The following PPIC variants were observed in gnomAD, a reference collection of about 807,000 sequenced individuals.
The protein encoded by PPIC is peptidylprolyl isomerase C.
A neutral mutation model predicts 19.5 loss-of-function variants in PPIC; 19 were observed. The observed-to-expected ratio is 0.98, with a 90% CI of 0.68 to 1.43. The LOEUF is 1.43. Among genes scored for constraint, PPIC ranks in the 40% most tolerant of loss-of-function variants. The pLI is 0.00. For synonymous variants in PPIC, 107 were observed against 101.2 expected, an observed-to-expected ratio of 1.06 and a Z score of -0.34; for missense variants, 268 against 268.6, an observed-to-expected ratio of 1.00 and a Z score of 0.02.
At chr5:123,028,736 G>A (rs1365366544) in intron 3 of PPIC, 39 bp downstream of exon 3, 7 of 1,519,704 alleles carry the variant, frequency 4.6e-6, no homozygotes, top group South Asian at 1.1e-5. Context: ...CTTAGATTTC[G>A]GTTTGGTAAA....
At chr5:123,032,659 G>A (rs1408548998) in intron 1 of PPIC, among the ~76,000 whole-genome samples, 6 of 152,122 alleles carry the variant, frequency 3.9e-5, no homozygotes, top group Non-Finnish European at 7.4e-5. Context: ...GGCCAGGGGT[G>A]GGGTGGGGCT....
At chr5:123,026,541 G>A (rs1316155983) in intron 3 of PPIC, among the ~76,000 whole-genome samples, 9 of 152,208 alleles carry the variant, frequency 5.9e-5, no homozygotes, top group Non-Finnish European at 1.3e-4. Flanking sequence ...AAATAGCAGA[G>A]CAGAATTTGA....
At chr5:123,026,017 C>T in intron 3 of PPIC, 49 bp from the exon 4 acceptor site, 1 of 1,501,812 alleles carries the variant, frequency 6.7e-7, no homozygotes, top group African/African-American at 1.4e-5. Context: ...CAAAAGTCAG[C>T]TCTTCAAAGG....
rs1170994494 is a variant in PPIC at position 123,029,200 on chromosome 5, GT to G, written c.231+104del. On this transcript the variant is annotated intron_variant, in intron 2 of 4. Coordinates refer to ENST00000306442, the MANE Select transcript of PPIC (RefSeq NM_000943.5). ...GGAAAATAAAGTCAAATGTGGTAAG[GT>G]TCATCTGACATACTAATTTAATACT... 10 of 1,582,752 alleles carry G rather than the reference GT, an allele frequency of 6.3e-6. No homozygotes were observed. In the Admixed American group the frequency reaches 1.8e-4, roughly 28 times the overall value.
At chr5:123,033,056 T>A (rs11241668) in intron 1 of PPIC, among the ~76,000 whole-genome samples, 27,483 of 152,144 alleles carry the variant, frequency 0.18, 2,947 homozygotes, top group East Asian at 0.48. Flanking sequence ...TGAGCTGCGA[T>A]GTGGAAGAAA....
At chr5:123,025,699 G>T in intron 4 of PPIC, 85 bp downstream of exon 4, 2 of 1,362,948 alleles carry the variant, frequency 1.5e-6, no homozygotes, top group Non-Finnish European at 2.0e-6. Flanking sequence ...TCTCTAACAA[G>T]CATATTTTAA....
intron 3 of PPIC, chr5:123,028,561 C>A: frequency 2.2e-6 from 1 of 447,232 alleles, no homozygotes; most frequent in Non-Finnish European, 4.0e-6. Context: ...AGACAATAAA[C>A]ACCAAAACAA....
chr5:123,029,448 G>T lies in PPIC; in HGVS notation c.118-30C>A, dbSNP rs538470352. On this transcript the variant is annotated intron_variant, in intron 1 of 4. Transcript: ENST00000306442. ...GTGCAGTTGAAAGGCAAAGTGGAAG[G>T]TTATAAGGTGGAAAAGCACAAATAC... 4.6e-6 allele frequency: 7 copies of T among 1,531,426 alleles called. No homozygotes were observed. In the African/African-American group the frequency reaches 9.7e-5, roughly 21 times the overall value. The allele number at this position is 1,531,426 out of a possible 1,614,324, so 94.9% of individuals were successfully genotyped here.
At chr5:123,024,071 C>T (rs1368091283) in intron 4 of PPIC, 68 bp from the exon 5 acceptor site, 6 of 1,526,960 alleles carry the variant, frequency 3.9e-6, no homozygotes, top group South Asian at 1.3e-5. Flanking sequence ...AAGGTTAAAC[C>T]AAAGCCAACT....
At chr5:123,026,942 C>A (rs1434547831) in intron 3 of PPIC, among the ~76,000 whole-genome samples, 1 of 152,174 alleles carries the variant, frequency 6.6e-6, no homozygotes, top group Non-Finnish European at 1.5e-5. Context: ...CACCTGTAAT[C>A]CCAGCACTTT....
chr5:123,023,338 ATTTC>A lies in PPIC; in HGVS notation c.*533_*536del, dbSNP rs1247720959. On this transcript the variant is annotated 3_prime_UTR_variant, in exon 5 of 5. Transcript: ENST00000306442. Reference sequence around the variant, plus strand: ...TGCTAGAGTGTGTGTATTTTTGTATATTTCTTAAAGAACTTTACATTTTTAAAAA... The same window carrying A: ...TGCTAGAGTGTGTGTATTTTTGTATATTAAAGAACTTTACATTTTTAAAAA... The A allele has an allele frequency of 1.3e-5, 2 of 152,228 alleles. No homozygotes were observed. The highest frequency in any genetic ancestry group is 2.9e-5 in the Non-Finnish European group (2 of 68,048). 9.4% of individuals were successfully genotyped at this position (152,228 alleles called of 1,614,324 possible).
At chr5:123,030,573 A>G (rs972374638) in intron 1 of PPIC, among the ~76,000 whole-genome samples, 2 of 152,240 alleles carry the variant, frequency 1.3e-5, no homozygotes, top group Non-Finnish European at 2.9e-5. Flanking sequence ...TCACAGGGTG[A>G]TGTGATATTT....
In PPIC at chr5:123,023,805, A is replaced by C; in HGVS notation, c.*70T>G. ...AAAAAGCAAATAATTGAAAGACAAC[A>C]CAACACACACACACACACACACACA... On this transcript the variant is annotated 3_prime_UTR_variant, in exon 5 of 5. Transcript: ENST00000306442. 1 of 1,236,708 alleles carries C rather than the reference A, an allele frequency of 8.1e-7. No homozygotes were observed. Among genetic ancestry groups the C allele is most frequent in the African/African-American group, 2.2e-5 (1 of 45,860 alleles). The allele number at this position is 1,236,708 out of a possible 1,614,324, so 76.6% of individuals were successfully genotyped here.
At chr5:123,032,715 T>C (rs1353990278) in intron 1 of PPIC, among the ~76,000 whole-genome samples, 1 of 152,148 alleles carries the variant, frequency 6.6e-6, no homozygotes, top group African/African-American at 2.4e-5. Context: ...AGAAAACACA[T>C]ATATGAATGC....
chr5:123,036,422 C>T lies in PPIC; in HGVS notation c.117+87G>A, dbSNP rs1763013974. On this transcript the variant is annotated intron_variant, in intron 1 of 4. Transcript: ENST00000306442. The surrounding 1 kb of genome is among the most constrained non-coding windows in gnomAD (Gnocchi z 4.5). Reference sequence around the variant, plus strand: ...GCGCCCGGGAAGCCTCCACCTCGCCCGCCCTGACACCGAGGTCCCAGTATC... The same window carrying T: ...GCGCCCGGGAAGCCTCCACCTCGCCTGCCCTGACACCGAGGTCCCAGTATC... 9 of 1,260,492 alleles carry T rather than the reference C, an allele frequency of 7.1e-6. No homozygotes were observed. Among genetic ancestry groups the T allele is most frequent in the Middle Eastern group, 5.2e-4 (2 of 3,882 alleles). 78.1% of individuals were successfully genotyped at this position (1,260,492 alleles called of 1,614,324 possible). A position where few individuals can be genotyped will look rare whatever the true frequency, so the allele number is the denominator to read the frequency against.
At chr5:123,035,325 G>A (rs753323248) in intron 1 of PPIC, among the ~76,000 whole-genome samples, 8 of 152,086 alleles carry the variant, frequency 5.3e-5, no homozygotes, top group South Asian at 2.1e-4. Flanking sequence ...TTTATCCCAA[G>A]AGACCCCGTT....
chr5:123,023,800 A>T lies in PPIC; in HGVS notation c.*75T>A. ...AAAAAAAAAAGCAAATAATTGAAAG[A>T]CAACACAACACACACACACACACAC... is the stretch of plus-strand genomic sequence containing the variant. On this transcript the variant is annotated 3_prime_UTR_variant, in exon 5 of 5. Transcript: ENST00000306442. The T allele has an allele frequency of 1.4e-6, 2 of 1,403,858 alleles. No homozygotes were observed. The highest frequency in any genetic ancestry group is 1.9e-6 in the Non-Finnish European group (2 of 1,077,796). 87.0% of individuals were successfully genotyped at this position (1,403,858 alleles called of 1,614,324 possible).
chr5:123,035,990 C>G (rs1047275996), intron 1 of PPIC, among the ~76,000 whole-genome samples: 9 of 152,130 alleles, frequency 5.9e-5, no homozygotes, highest in African/African-American at 2.2e-4. Context: ...GGAGGGTAGT[C>G]TCTCATCTGA....
At chr5:123,031,515 C>T (rs1239505394) in intron 1 of PPIC, among the ~76,000 whole-genome samples, 1 of 152,202 alleles carries the variant, frequency 6.6e-6, no homozygotes, top group African/African-American at 2.4e-5. Flanking sequence ...AGAAGCAAAG[C>T]TGCCCTTCTG....
Sources: allele counts gnomAD v4.1 joint callset (sites outside exome capture counted in the v4.1 genomes callset), GRCh38; gene constraint gnomAD v4.1.1; non-coding constraint Gnocchi (gnomAD v3.1); transcripts MANE v1.5; gene names NCBI Gene and HGNC (gene_info 2026-07-23, HGNC 2026-07-21).